The following CACNA1E variants were observed in gnomAD, a reference collection of about 807,000 sequenced individuals.
CACNA1E encodes calcium voltage-gated channel subunit alpha1 E, also known as voltage-dependent R-type calcium channel subunit alpha-1E.
Under a neutral mutation model 259.2 loss-of-function variants are expected in CACNA1E, and 40 were observed. The ratio of observed to expected loss-of-function variants is 0.15; its 90% CI spans 0.12 to 0.20. The LOEUF is 0.20. Among genes scored for constraint, CACNA1E ranks in the 10% least tolerant of loss-of-function variants. The pLI is 1.00. For missense variants in CACNA1E, 1,874 were observed against 3,040.1 expected (o/e 0.62, Z 9.02); for synonymous variants, 1,104 against 1,138.5 (o/e 0.97, Z 0.61).
At chr1:181,652,674 A>G (rs60245169) in intron 7 of CACNA1E, among the ~76,000 whole-genome samples, 15,824 of 152,098 alleles carry the variant, frequency 0.1, 1,640 homozygotes, top group African/African-American at 0.27. Flanking sequence ...CTAAAAACAA[A>G]AGGACTGATG....
At chr1:181,494,113 G>A (rs989728353) in intron 1 of CACNA1E, among the ~76,000 whole-genome samples, 1 of 152,136 alleles carries the variant, frequency 6.6e-6, no homozygotes, top group African/African-American at 2.4e-5. Flanking sequence ...TCTCTTGGCC[G>A]AATAAGACCA....
intron 7 of CACNA1E, among the ~76,000 whole-genome samples, chr1:181,674,324 C>T (rs1649136875): frequency 7.8e-6 from 1 of 127,900 alleles, no homozygotes; most frequent in Admixed American, 9.7e-5. Context: ...ACCTGGGAGG[C>T]GGAGCTTGCA....
intron 1 of CACNA1E, among the ~76,000 whole-genome samples, chr1:181,371,447 T>A (rs908703098): frequency 2.7e-4 from 41 of 152,162 alleles, no homozygotes; most frequent in African/African-American, 9.9e-4. Flanking sequence ...TTATTTATTT[T>A]TATTCTTAGT....
chr1:181,346,060 A>C (rs956217230), intron 1 of CACNA1E, among the ~76,000 whole-genome samples: 1 of 152,198 alleles, frequency 6.6e-6, no homozygotes, highest in Non-Finnish European at 1.5e-5. Flanking sequence ...AGGATGTGGA[A>C]TGGAGACCCC....
rs548555442 is a variant in CACNA1E at position 181,649,636 on chromosome 1, T to A, written c.952-1702T>A. ...CATCAATGACAGAATGGTTAAAGAA[T>A]ATGCAATACATATACACCATGGAAT... On this transcript the variant is annotated intron_variant, in intron 6 of 47. Coordinates refer to ENST00000367573, the MANE Select transcript of CACNA1E (RefSeq NM_001205293.3). 2.0e-5 allele frequency among the ~76,000 whole-genome samples: 3 copies of A among 152,216 alleles called. No individual in the cohort carries two copies. The South Asian group carries it at 6.2e-4, about 32-fold the overall frequency.
intron 6 of CACNA1E, among the ~76,000 whole-genome samples, chr1:181,600,404 C>A (rs139176579): frequency 2.1e-4 from 32 of 152,292 alleles, no homozygotes; most frequent in African/African-American, 7.2e-4. Flanking sequence ...GCTGAAAGAT[C>A]ACTCTACCTG....
At chr1:181,682,728 T>C (rs1436178323) in intron 7 of CACNA1E, among the ~76,000 whole-genome samples, 1 of 152,172 alleles carries the variant, frequency 6.6e-6, no homozygotes, top group Admixed American at 6.5e-5. Flanking sequence ...TGGCACGTCT[T>C]ACATGGCAGG....
chr1:181,657,311 C>T (rs72733168), intron 7 of CACNA1E, among the ~76,000 whole-genome samples: 2,006 of 152,006 alleles, frequency 0.013, 18 homozygotes, highest in Non-Finnish European at 0.02. Context: ...CAGTCAAAGA[C>T]TGAAATCTTA....
chr1:181,657,591 G>A lies in CACNA1E; in HGVS notation c.1055+6150G>A, dbSNP rs540752928. ...GAAAAAATAGAAATTAAATTTTAAA[G>A]TAAAAATATTGCACACACACAAAAG... On this transcript the variant is annotated intron_variant, in intron 7 of 47. Coordinates refer to ENST00000367573, the MANE Select transcript of CACNA1E (RefSeq NM_001205293.3). Among the ~76,000 whole-genome samples the A allele has an allele frequency of 2.4e-3, 359 of 152,172 alleles. 2 individuals carry two copies. Among genetic ancestry groups the A allele is most frequent in the African/African-American group, 8.2e-3 (340 of 41,506 alleles).
chr1:181,683,787 C>T (rs1161691328), intron 7 of CACNA1E, among the ~76,000 whole-genome samples: 3 of 152,180 alleles, frequency 2.0e-5, no homozygotes, highest in African/African-American at 4.8e-5. Context: ...TTTGTGTCTG[C>T]ATACTATTCC....
At chr1:181,750,089 T>G (rs1441069512) in intron 25 of CACNA1E, among the ~76,000 whole-genome samples, 1 of 152,276 alleles carries the variant, frequency 6.6e-6, no homozygotes, top group Non-Finnish European at 1.5e-5. Context: ...ACAGAGTTTG[T>G]CTGAAGACTG....
At chr1:181,616,742 A>C (rs539265565) in intron 6 of CACNA1E, among the ~76,000 whole-genome samples, 23 of 152,266 alleles carry the variant, frequency 1.5e-4, no homozygotes, top group Admixed American at 4.6e-4. Context: ...AACAAACAAA[A>C]AAAAAGGAGG....
intron 1 of CACNA1E, among the ~76,000 whole-genome samples, chr1:181,412,686 T>C (rs1292536093): frequency 6.6e-6 from 1 of 152,130 alleles, no homozygotes; most frequent in Admixed American, 6.5e-5. Flanking sequence ...GTTAGAGGGA[T>C]TCTTCTACCA....
intron 8 of CACNA1E, among the ~76,000 whole-genome samples, chr1:181,711,330 C>T (rs1653340657): frequency 6.6e-6 from 1 of 152,206 alleles, no homozygotes; most frequent in African/African-American, 2.4e-5. Context: ...TAACCCAATC[C>T]TGGAGCTGAG....
chr1:181,515,968 GCCTT>G (rs1666552920), intron 3 of CACNA1E, among the ~76,000 whole-genome samples: 1 of 152,116 alleles, frequency 6.6e-6, no homozygotes. Flanking sequence ...TCTGTTCCCA[GCCTT>G]CCCCCTTGGC....
intron 1 of CACNA1E, among the ~76,000 whole-genome samples, chr1:181,496,255 C>A (rs192098618): frequency 4.6e-5 from 7 of 152,238 alleles, no homozygotes; most frequent in Admixed American, 2.6e-4. Flanking sequence ...TCTTCAGGAG[C>A]AATAATGATG....
chr1:181,701,944 G>A (rs796799517), intron 7 of CACNA1E, among the ~76,000 whole-genome samples: 6 of 152,194 alleles, frequency 3.9e-5, no homozygotes, highest in African/African-American at 1.4e-4. Context: ...CATCTTTCTA[G>A]CATGTGCCAG....
intron 6 of CACNA1E, among the ~76,000 whole-genome samples, chr1:181,627,461 G>C (rs1181657313): frequency 6.6e-6 from 1 of 152,156 alleles, no homozygotes; most frequent in Admixed American, 6.5e-5. Flanking sequence ...CTTAGGAGTG[G>C]GGGGAGATAA....
At chr1:181,605,620 G>T (rs891356128) in intron 6 of CACNA1E, among the ~76,000 whole-genome samples, 1 of 152,142 alleles carries the variant, frequency 6.6e-6, no homozygotes, top group East Asian at 1.9e-4. Context: ...AGCACAAATC[G>T]TATTGTCTAT....
Sources: allele counts gnomAD v4.1 joint callset (sites outside exome capture counted in the v4.1 genomes callset), GRCh38; gene constraint gnomAD v4.1.1; transcripts MANE v1.5; gene names NCBI Gene and HGNC (gene_info 2026-07-23, HGNC 2026-07-21).